Variants in DGCR8 observed in about 807,000 individuals in gnomAD.
DGCR8 encodes microprocessor complex subunit DGCR8.
A neutral mutation model predicts 78.5 loss-of-function variants in DGCR8; 14 were observed. The ratio of observed to expected loss-of-function variants is 0.18; its 90% CI spans 0.12 to 0.28. DGCR8 has a LOEUF of 0.28. Ranked by LOEUF, DGCR8 falls within the 10% of genes least tolerant of loss-of-function variation. DGCR8 has a pLI of 1.00. For missense variants in DGCR8, 702 were observed against 1,022.5 expected, an observed-to-expected ratio of 0.69 and a Z score of 4.28; for synonymous variants, 399 against 402.4, an observed-to-expected ratio of 0.99 and a Z score of 0.10.
chr22:20,110,308 C>A lies in DGCR8; in HGVS notation c.*200C>A, dbSNP rs1475825771. 1.7e-6 allele frequency: 1 copy of A among 576,274 alleles called. No individual in the cohort carries two copies. Among genetic ancestry groups the A allele is most frequent in the Non-Finnish European group, 3.1e-6 (1 of 327,014 alleles). 35.7% of individuals were successfully genotyped at this position (576,274 alleles called of 1,614,324 possible). A position where few individuals can be genotyped will look rare whatever the true frequency, so the allele number is the denominator to read the frequency against. On this transcript the variant is annotated 3_prime_UTR_variant, in exon 14 of 14. Transcript: ENST00000351989. ...ACAGCACACATGTGGAGCAGCGGCT[C>A]TCCCTGGAAAGCTCCAGGCCTGAAT...
At chr22:20,083,325 G>A (rs2049438483) in intron 1 of DGCR8, among the ~76,000 whole-genome samples, 2 of 151,352 alleles carry the variant, frequency 1.3e-5, no homozygotes, top group South Asian at 2.1e-4. Flanking sequence ...GAGCTCTGTA[G>A]GGCAGGGTTT....
At chr22:20,084,985 T>C (rs1457811822) in intron 1 of DGCR8, 2 of 985,434 alleles carry the variant, frequency 2.0e-6, no homozygotes, top group East Asian at 2.3e-4. Context: ...CAGGCCTCTC[T>C]GTGCCTCGGC....
In DGCR8 at chr22:20,085,583, G is replaced by GA. The variant is rs1259304359; in HGVS notation, c.-277-102dup. 1 of 919,192 alleles carries GA rather than the reference G, an allele frequency of 1.1e-6. No individual in the cohort carries two copies. The highest frequency in any genetic ancestry group is 1.4e-6 in the Non-Finnish European group (1 of 703,674). 56.9% of individuals were successfully genotyped at this position (919,192 alleles called of 1,614,324 possible). ...AAGTCCTCTTAGGGAATATTATTTT[G>GA]AAGCCCTTTACTATGCTGTTAATAG... On this transcript the variant is annotated intron_variant, in intron 1 of 13. Transcript: ENST00000351989. This position sits in a 1 kb window ranked among gnomAD's most constrained non-coding sequence, Gnocchi z 6.2.
In DGCR8 at chr22:20,110,147, G is replaced by T; in HGVS notation, c.*39G>T. On this transcript the variant is annotated 3_prime_UTR_variant, in exon 14 of 14. Coordinates refer to ENST00000351989, the MANE Select transcript of DGCR8 (RefSeq NM_022720.7). Reference sequence around the variant, plus strand: ...GGCCAGGGCGCGGGGGCCGCCAGCCGCACTTCTGAGGAGACCAGCAGTCAT... The same window carrying T: ...GGCCAGGGCGCGGGGGCCGCCAGCCTCACTTCTGAGGAGACCAGCAGTCAT... 1 of 1,585,774 alleles carries T rather than the reference G, an allele frequency of 6.3e-7. No individual in the cohort carries two copies. The highest frequency in any genetic ancestry group is 8.6e-7 in the Non-Finnish European group (1 of 1,166,626).
At chr22:20,082,032 G>T (rs563226352) in intron 1 of DGCR8, among the ~76,000 whole-genome samples, 2 of 151,600 alleles carry the variant, frequency 1.3e-5, no homozygotes, top group African/African-American at 4.8e-5. Context: ...TCTGGACACA[G>T]AGTGATTCTT....
At chr22:20,103,382 C>T (rs1287801239) in intron 9 of DGCR8, among the ~76,000 whole-genome samples, 1 of 152,058 alleles carries the variant, frequency 6.6e-6, no homozygotes, top group African/African-American at 2.4e-5. Context: ...ATGAATAGTA[C>T]CTTAGTTCCA....
At chr22:20,109,210 G>A in intron 13 of DGCR8, 1 of 443,226 alleles carries the variant, frequency 2.3e-6, no homozygotes, top group South Asian at 2.1e-5. Flanking sequence ...TGTTGTTAGA[G>A]AGCTGGCAGG....
At chr22:20,108,581 C>A (rs1012981972) in intron 12 of DGCR8, 3 of 301,664 alleles carry the variant, frequency 9.9e-6, no homozygotes, top group African/African-American at 4.3e-5. Context: ...TTGATGAGGA[C>A]TCTGGGCACC....
chr22:20,097,732 AC>A (rs2049644846), intron 9 of DGCR8, among the ~76,000 whole-genome samples: 1 of 148,142 alleles, frequency 6.8e-6, no homozygotes, highest in African/African-American at 2.5e-5. Context: ...CTGCTGGTAA[AC>A]CCCTCTAGTG....
intron 3 of DGCR8, among the ~76,000 whole-genome samples, chr22:20,088,735 C>A (rs1321144359): frequency 1.3e-5 from 2 of 152,156 alleles, no homozygotes; most frequent in Non-Finnish European, 2.9e-5. Flanking sequence ...GGGTACCTAG[C>A]CCTGAGAGTC....
chr22:20,091,063 T>A (rs1821846103), intron 5 of DGCR8, among the ~76,000 whole-genome samples: 1 of 151,636 alleles, frequency 6.6e-6, no homozygotes, highest in Non-Finnish European at 1.5e-5. Flanking sequence ...AGGAAAAGAG[T>A]GAGGTGGTCA....
chr22:20,107,521 C>A (rs930242443), intron 12 of DGCR8, 123 bp downstream of exon 12: 1 of 1,247,734 alleles, frequency 8.0e-7, no homozygotes, highest in African/African-American at 1.5e-5. Context: ...CTGCCTCTCT[C>A]CTGGGCCACT....
At chr22:20,108,743 T>G in intron 12 of DGCR8, 147 bp from the exon 13 acceptor site, 1 of 612,432 alleles carries the variant, frequency 1.6e-6, no homozygotes, top group East Asian at 2.9e-5. Context: ...CAGCATGCAG[T>G]TATGTTGCCA....
chr22:20,108,813 G>A, intron 12 of DGCR8, 77 bp from the exon 13 acceptor site: 3 of 912,564 alleles, frequency 3.3e-6, no homozygotes, highest in South Asian at 1.3e-5. Flanking sequence ...AGGGTCCCAG[G>A]CACACAGCTG....
intron 13 of DGCR8, among the ~76,000 whole-genome samples, chr22:20,109,518 C>G (rs1240549747): frequency 6.6e-6 from 1 of 152,168 alleles, no homozygotes; most frequent in African/African-American, 2.4e-5. Context: ...TGGGTGAGAG[C>G]CCCAGGAGGT....
Position 20,091,454 on chromosome 22 carries a change from C to T in DGCR8, c.1326C>T (p.Ser442=). The T allele has an allele frequency of 6.2e-7, 1 of 1,614,182 alleles. No individual in the cohort carries two copies. The highest frequency in any genetic ancestry group is 8.5e-7 in the Non-Finnish European group (1 of 1,180,040). ...GGACAGATCTCGAGGAATTTCGAAG[C>T]TACCTGGAGAAGCGTTTTGACTTTG... is the stretch of plus-strand genomic sequence containing the variant. ...DESVDLEEFR[S]YLEKRFDFEQ... The change falls in exon 6 of 14, where the codon AGC becomes AGT. Residue 442 remains serine, a synonymous_variant. Coordinates refer to ENST00000351989, the MANE Select transcript of DGCR8 (RefSeq NM_022720.7).
In DGCR8 at chr22:20,085,878, A is replaced by G. The variant is rs368239910; in HGVS notation, c.-86A>G. The G allele has an allele frequency of 4.0e-6, 6 of 1,501,862 alleles. No homozygotes were observed. The East Asian group carries it at 9.1e-5, about 23-fold the overall frequency. The allele number at this position is 1,501,862 out of a possible 1,614,324, so 93.0% of individuals were successfully genotyped here. ...GCGCGGCAGGACGCGCCCGGGTCTCAGCGGACTTGTGCATGTTAGCTGTGT... is the reference window on the plus strand; with the variant it reads ...GCGCGGCAGGACGCGCCCGGGTCTCGGCGGACTTGTGCATGTTAGCTGTGT... On this transcript the variant is annotated 5_prime_UTR_variant, in exon 2 of 14. Transcript: ENST00000351989. This position sits in a 1 kb window ranked among gnomAD's most constrained non-coding sequence, Gnocchi z 6.2.
chr22:20,107,842 TG>T (rs2049788786), intron 12 of DGCR8: 1 of 183,294 alleles, frequency 5.5e-6, no homozygotes, highest in Non-Finnish European at 1.2e-5. Flanking sequence ...GTGTACCATC[TG>T]TCTTGTTTCT....
intron 13 of DGCR8, 62 bp from the exon 14 acceptor site, chr22:20,109,963 G>C: frequency 6.5e-7 from 1 of 1,531,948 alleles, no homozygotes. Flanking sequence ...TCCACCTTGT[G>C]TCTTCCCGAG....
Sources: allele counts gnomAD v4.1 joint callset (sites outside exome capture counted in the v4.1 genomes callset), GRCh38; gene constraint gnomAD v4.1.1; non-coding constraint Gnocchi (gnomAD v3.1); transcripts MANE v1.5; gene names NCBI Gene and HGNC (gene_info 2026-07-23, HGNC 2026-07-21).